Variants in POLN observed in about 807,000 individuals in gnomAD.
POLN encodes the protein DNA polymerase nu, also known as DNA polymerase N.
In POLN, 108 loss-of-function variants were observed where a neutral mutation model predicts 113.5. The ratio of observed to expected loss-of-function variants is 0.95; its 90% confidence interval spans 0.81 to 1.12. The LOEUF (loss-of-function observed/expected upper bound fraction) is 1.12, where lower values mean the gene tolerates loss of function less well. POLN is among the 50% of genes most tolerant of loss of function. The pLI is 0.00. For synonymous variants in POLN, 386 were observed against 391.5 expected, an observed-to-expected ratio of 0.99 and a Z score of 0.17; for missense variants, 1,097 against 1,077.1, an observed-to-expected ratio of 1.02 and a Z score of -0.26.
chr4:2,075,217 G>A (rs975462194), intron 24 of POLN, among the ~76,000 whole-genome samples: 22 of 152,232 alleles, frequency 1.4e-4, no homozygotes, highest in African/African-American at 4.8e-4. Context: ...AATACCTGGC[G>A]CTCTCTGAGG....
chr4:2,162,683 C>CT (rs1185453698), intron 13 of POLN, among the ~76,000 whole-genome samples: 1 of 151,910 alleles, frequency 6.6e-6, no homozygotes, highest in African/African-American at 2.4e-5. Flanking sequence ...TCTTGAACTC[C>CT]TGGACTCAAG....
intron 13 of POLN, among the ~76,000 whole-genome samples, chr4:2,162,196 C>T (rs1351730376): frequency 6.6e-6 from 1 of 152,176 alleles, no homozygotes; most frequent in Non-Finnish European, 1.5e-5. Flanking sequence ...GTCCACACTA[C>T]TTTTATGAGC....
intron 17 of POLN, among the ~76,000 whole-genome samples, chr4:2,129,681 C>A (rs1036809471): frequency 6.6e-6 from 1 of 152,178 alleles, no homozygotes; most frequent in Non-Finnish European, 1.5e-5. Context: ...TGAGCCATGG[C>A]GCCTGGCCTT....
At chr4:2,090,779 G>C (rs1330506865) in intron 20 of POLN, among the ~76,000 whole-genome samples, 1 of 152,230 alleles carries the variant, frequency 6.6e-6, no homozygotes, top group East Asian at 1.9e-4. Flanking sequence ...TGAAATCTCA[G>C]GTCAGTCCTT....
At chr4:2,146,731 C>T (rs1011035052) in intron 16 of POLN, among the ~76,000 whole-genome samples, 11 of 152,010 alleles carry the variant, frequency 7.2e-5, no homozygotes, top group Admixed American at 4.6e-4. Context: ...AGCAGCCAGG[C>T]CAAGAAAGCT....
At chr4:2,230,746 T>C (rs894323001) in intron 2 of POLN, 2 of 152,224 alleles carry the variant, frequency 1.3e-5, no homozygotes, top group Non-Finnish European at 2.9e-5. Context: ...GTGAGGAATA[T>C]TCTTAAAGGT....
intron 5 of POLN, among the ~76,000 whole-genome samples, chr4:2,199,728 T>C (rs1009156372): frequency 2.8e-4 from 42 of 152,016 alleles, no homozygotes; most frequent in African/African-American, 9.9e-4. Flanking sequence ...AGGCACACAC[T>C]GCCACACCCA....
intron 19 of POLN, among the ~76,000 whole-genome samples, chr4:2,104,744 G>A (rs911618584): frequency 7.9e-5 from 12 of 152,214 alleles, no homozygotes; most frequent in Non-Finnish European, 1.0e-4. Context: ...GTCAGACCAC[G>A]TGAAACATGA....
chr4:2,189,474 C>T (rs1164036884), intron 7 of POLN, among the ~76,000 whole-genome samples: 1 of 150,444 alleles, frequency 6.6e-6, no homozygotes, highest in African/African-American at 2.4e-5. Flanking sequence ...CCCGTCTCTA[C>T]CAAAAATACA....
In POLN at chr4:2,102,095, C is replaced by T. The variant is rs569671521; in HGVS notation, c.1983-6162G>A. On this transcript the variant is annotated intron_variant, in intron 19 of 25. Transcript: ENST00000511885. ...CCACAGCAGGACCTCAGCATAGTGG[C>T]TGTTGCCCTTCACTCAAACATTTCA... Among the ~76,000 whole-genome samples, 80 of 152,282 alleles carry T rather than the reference C, an allele frequency of 5.3e-4. 1 individual carries two copies. Among genetic ancestry groups the T allele is most frequent in the Admixed American group, 2.0e-4 (3 of 15,302 alleles).
chr4:2,159,563 G>A (rs1224943410), intron 13 of POLN, among the ~76,000 whole-genome samples: 1 of 152,218 alleles, frequency 6.6e-6, no homozygotes, highest in African/African-American at 2.4e-5. Flanking sequence ...TGGATTACGA[G>A]TTTAAAAATT....
chr4:2,202,466 G>C (rs1345536809), intron 5 of POLN, among the ~76,000 whole-genome samples: 1 of 152,180 alleles, frequency 6.6e-6, no homozygotes, highest in Non-Finnish European at 1.5e-5. Flanking sequence ...ACTCATGCCT[G>C]TAATCCCAGC....
At chr4:2,096,477 T>G (rs1730793325) in intron 19 of POLN, among the ~76,000 whole-genome samples, 1 of 152,010 alleles carries the variant, frequency 6.6e-6, no homozygotes. Flanking sequence ...CTCCAGAGAT[T>G]AAAGCTGAGA....
At chr4:2,174,046 A>C in intron 10 of POLN, 27 bp from the exon 11 acceptor site, 2 of 1,609,472 alleles carry the variant, frequency 1.2e-6, no homozygotes, top group Non-Finnish European at 1.7e-6. Flanking sequence ...AAACCAGATC[A>C]TATTTGCATT....
intron 15 of POLN, 99 bp downstream of exon 15, chr4:2,157,759 G>A (rs1198487785): frequency 2.1e-5 from 8 of 376,246 alleles, no homozygotes; most frequent in South Asian, 4.4e-5. Flanking sequence ...ATATTTAGAC[G>A]ATTTCATCAT....
rs771321901 is a variant in POLN at position 2,240,544 on chromosome 4, G to C, written c.-13+976C>G. On this transcript the variant is annotated intron_variant, in intron 2 of 25. Coordinates refer to ENST00000511885, the MANE Select transcript of POLN (RefSeq NM_181808.4). ...TCTTCTTCTTTAGCATTTAACCTCA[G>C]AGATTTGTGGCTAGTTACTGAAGCC... 2.5e-6 allele frequency: 4 copies of C among 1,613,512 alleles called. No homozygotes were observed. In the African/African-American group the frequency reaches 5.3e-5, roughly 22 times the overall value.
At chr4:2,094,777 T>C (rs966619112) in intron 20 of POLN, among the ~76,000 whole-genome samples, 4 of 152,172 alleles carry the variant, frequency 2.6e-5, no homozygotes, top group African/African-American at 9.7e-5. Context: ...CGGGGCACTC[T>C]GGACGCTTGT....
At chr4:2,216,680 T>C (rs751485983) in intron 3 of POLN, among the ~76,000 whole-genome samples, 5 of 152,208 alleles carry the variant, frequency 3.3e-5, no homozygotes, top group Admixed American at 6.5e-5. Context: ...TCCATGAGAA[T>C]GGGAAAGGCA....
At chr4:2,102,568 G>A (rs568555498) in intron 19 of POLN, among the ~76,000 whole-genome samples, 2 of 152,282 alleles carry the variant, frequency 1.3e-5, no homozygotes, top group East Asian at 3.9e-4. Context: ...GACATCACTA[G>A]TACAAATGGC....
Sources: allele counts gnomAD v4.1 joint callset (sites outside exome capture counted in the v4.1 genomes callset), GRCh38; gene constraint gnomAD v4.1.1; transcripts MANE v1.5; gene names NCBI Gene and HGNC (gene_info 2026-07-23, HGNC 2026-07-21).